Variants in DPYD observed in about 807,000 individuals in gnomAD.
DPYD encodes dihydropyrimidine dehydrogenase.
Under a neutral mutation model 116.2 loss-of-function variants are expected in DPYD, and 109 were observed. The observed-to-expected ratio is 0.94, with a 90% CI of 0.80 to 1.10. The LOEUF (loss-of-function observed/expected upper bound fraction) is 1.10, where lower values mean the gene tolerates loss of function less well. Among genes scored for constraint, DPYD ranks in the 50% least tolerant of loss-of-function variants. DPYD has a pLI of 0.00. For synonymous variants in DPYD, 440 were observed against 432.0 expected (o/e 1.02, Z -0.23); for missense variants, 1,302 against 1,254.5 (o/e 1.04, Z -0.57).
chr1:97,466,936 G>T (rs1218619064), intron 13 of DPYD, among the ~76,000 whole-genome samples: 1 of 152,146 alleles, frequency 6.6e-6, no homozygotes, highest in Admixed American at 6.5e-5. Context: ...TTAGGGGCCT[G>T]CAGTGGGGGG....
intron 3 of DPYD, among the ~76,000 whole-genome samples, chr1:97,767,824 TA>T (rs771928277): frequency 7.3e-4 from 110 of 149,746 alleles, no homozygotes; most frequent in Middle Eastern, 3.4e-3. Context: ...AACTGCAGAT[TA>T]ACTAACATCC....
chr1:97,145,681 G>A (rs968733494), intron 20 of DPYD, among the ~76,000 whole-genome samples: 1 of 151,682 alleles, frequency 6.6e-6, no homozygotes, highest in African/African-American at 2.4e-5. Flanking sequence ...CGTGCTGCAG[G>A]GTATAACCAG....
At chr1:97,821,485 A>C (rs1035367930) in intron 3 of DPYD, among the ~76,000 whole-genome samples, 1 of 152,204 alleles carries the variant, frequency 6.6e-6, no homozygotes, top group Non-Finnish European at 1.5e-5. Context: ...GAATCAACCA[A>C]GATAAAGAAA....
Position 97,450,743 on chromosome 1 carries a change from C to T in DPYD, c.1741-520G>A, listed in dbSNP as rs192573509. Among the ~76,000 whole-genome samples the T allele has an allele frequency of 1.8e-4, 27 of 151,678 alleles. No homozygotes were observed. The East Asian group carries it at 4.5e-3, about 25-fold the overall frequency. On this transcript the variant is annotated intron_variant, in intron 13 of 22. Transcript: ENST00000370192. Reference sequence around the variant, plus strand: ...AACCATTAACACACATTCTAATAAACTGGTTATGTGAAATTACTTATAGGA... The same window carrying T: ...AACCATTAACACACATTCTAATAAATTGGTTATGTGAAATTACTTATAGGA...
chr1:97,434,571 C>T (rs1342835118), intron 14 of DPYD, among the ~76,000 whole-genome samples: 1 of 152,004 alleles, frequency 6.6e-6, no homozygotes, highest in East Asian at 1.9e-4. Context: ...TGTGAATTAT[C>T]TAGGTCTTTG....
At chr1:97,717,538 T>C (rs1662681295) in intron 5 of DPYD, among the ~76,000 whole-genome samples, 1 of 152,016 alleles carries the variant, frequency 6.6e-6, no homozygotes, top group African/African-American at 2.4e-5. Flanking sequence ...GGTGCACCCA[T>C]CACCCAAGTA....
At chr1:97,844,008 G>A (rs1451678927) in intron 2 of DPYD, among the ~76,000 whole-genome samples, 1 of 152,126 alleles carries the variant, frequency 6.6e-6, no homozygotes, top group Admixed American at 6.5e-5. Flanking sequence ...GGAGAATAAA[G>A]TGATAGGGAA....
rs555052648 is a variant in DPYD, at chr1:97,547,056, A to G, written c.1524+2504T>C. ...ATAAACCAGAAACAGTACAGAACTG[A>G]TGTTGAGGGAGGTGTAGTTTTTTTA... On this transcript the variant is annotated intron_variant, in intron 12 of 22. Coordinates refer to ENST00000370192, the MANE Select transcript of DPYD (RefSeq NM_000110.4). 7.2e-6 allele frequency: 8 copies of G among 1,105,238 alleles called. No individual in the cohort carries two copies. In the Admixed American group the frequency reaches 1.2e-4, roughly 16 times the overall value. The allele number at this position is 1,105,238 out of a possible 1,614,324, so 68.5% of individuals were successfully genotyped here.
chr1:97,275,560 G>A (rs979551917), intron 18 of DPYD, among the ~76,000 whole-genome samples: 5 of 152,118 alleles, frequency 3.3e-5, no homozygotes, highest in African/African-American at 7.2e-5. Flanking sequence ...GTCATTCAGG[G>A]TTATTATGAG....
At chr1:97,301,185 G>A (rs142597445) in intron 18 of DPYD, among the ~76,000 whole-genome samples, 3 of 152,090 alleles carry the variant, frequency 2.0e-5, no homozygotes, top group African/African-American at 4.8e-5. Context: ...TCTATGAGAG[G>A]AGTAACTTTG....
intron 18 of DPYD, among the ~76,000 whole-genome samples, chr1:97,265,038 T>C (rs1664142935): frequency 6.6e-6 from 1 of 152,136 alleles, no homozygotes; most frequent in Non-Finnish European, 1.5e-5. Flanking sequence ...GACTGTCCCG[T>C]TCATCCGTGG....
At chr1:97,571,210 G>T (rs543360873) in intron 11 of DPYD, among the ~76,000 whole-genome samples, 1 of 152,120 alleles carries the variant, frequency 6.6e-6, no homozygotes, top group South Asian at 2.1e-4. Flanking sequence ...AGCAGTCAGT[G>T]ATAGGCTTGG....
At chr1:97,705,129 CTCTT>C (rs912014527) in intron 5 of DPYD, among the ~76,000 whole-genome samples, 19 of 148,606 alleles carry the variant, frequency 1.3e-4, no homozygotes, top group Non-Finnish European at 6.0e-5. Context: ...AAAGCCTGAA[CTCTT>C]TTTTTTTTTA....
At chr1:97,905,097 G>T (rs1183120655) in intron 1 of DPYD, among the ~76,000 whole-genome samples, 1 of 151,992 alleles carries the variant, frequency 6.6e-6, no homozygotes, top group Non-Finnish European at 1.5e-5. Context: ...GAATTTCATA[G>T]ATTCTGGATT....
intron 11 of DPYD, among the ~76,000 whole-genome samples, chr1:97,565,094 G>A (rs907634762): frequency 3.3e-5 from 5 of 151,956 alleles, no homozygotes; most frequent in East Asian, 3.9e-4. Context: ...GTTCTCAGTC[G>A]CCCCTGATAC....
rs374377262 is a variant in DPYD at position 97,275,816 on chromosome 1, C to A, written c.2299+29443G>T. Among the ~76,000 whole-genome samples the A allele has an allele frequency of 2.6e-5, 4 of 152,250 alleles. No individual in the cohort carries two copies. The South Asian group carries it at 6.2e-4, about 24-fold the overall frequency. On this transcript the variant is annotated intron_variant, in intron 18 of 22. Transcript: ENST00000370192. ...CCATGATAAGTCAGCTTCCTGTTAG[C>A]TTCCTCTCTCCTTGAGGCATAGACA...
chr1:97,427,243 A>C (rs1286021360), intron 14 of DPYD, among the ~76,000 whole-genome samples: 1 of 152,074 alleles, frequency 6.6e-6, no homozygotes, highest in Non-Finnish European at 1.5e-5. Flanking sequence ...ACTATCCATC[A>C]AAAGGTAAGT....
At chr1:97,660,542 C>T (rs564679485) in intron 8 of DPYD, among the ~76,000 whole-genome samples, 34 of 152,098 alleles carry the variant, frequency 2.2e-4, no homozygotes, top group Non-Finnish European at 4.1e-4. Context: ...TACTTCTCTA[C>T]TATGTCATAC....
chr1:97,082,560 A>G, intron 21 of DPYD, 90 bp from the exon 22 acceptor site: 3 of 1,464,944 alleles, frequency 2.0e-6, no homozygotes, highest in East Asian at 2.3e-5. Flanking sequence ...CTGTTTTTAT[A>G]CAATGTTGCA....
Sources: allele counts gnomAD v4.1 joint callset (sites outside exome capture counted in the v4.1 genomes callset), GRCh38; gene constraint gnomAD v4.1.1; transcripts MANE v1.5; gene names NCBI Gene and HGNC (gene_info 2026-07-23, HGNC 2026-07-21).